N4BP1: variants seen among roughly 807,000 people sequenced by gnomAD.
The protein encoded by N4BP1 is NEDD4 binding protein 1, also known as NEDD4-binding protein 1.
N4BP1 carries 21 observed loss-of-function variants against 70.9 expected under a neutral mutation model. The ratio of observed to expected loss-of-function variants is 0.30; its 90% CI spans 0.21 to 0.43. The LOEUF is 0.43. Among genes scored for constraint, N4BP1 ranks in the 20% least tolerant of loss-of-function variants. The pLI is 1.00. For missense variants in N4BP1, 936 were observed against 1,069.4 expected, an observed-to-expected ratio of 0.88 and a Z score of 1.74; for synonymous variants, 387 against 394.6, an observed-to-expected ratio of 0.98 and a Z score of 0.23.
chr16:48,592,621 G>GA (rs1476365619), intron 1 of N4BP1, among the ~76,000 whole-genome samples: 3 of 152,146 alleles, frequency 2.0e-5, no homozygotes, highest in African/African-American at 7.2e-5. Flanking sequence ...TATTTTGTCA[G>GA]AAAAACTAAA....
At chr16:48,587,272 C>G (rs540787752) in intron 1 of N4BP1, 1 of 152,290 alleles carries the variant, frequency 6.6e-6, no homozygotes, top group African/African-American at 2.4e-5. Flanking sequence ...AGCGACATCC[C>G]TTAAGCAACA....
intron 3 of N4BP1, among the ~76,000 whole-genome samples, chr16:48,552,987 T>C (rs1259599540): frequency 6.6e-6 from 1 of 152,142 alleles, no homozygotes; most frequent in African/African-American, 2.4e-5. Flanking sequence ...CTCTGATGTG[T>C]TAAGTTGCCT....
intron 1 of N4BP1, among the ~76,000 whole-genome samples, chr16:48,605,148 T>TCA (rs1964559412): frequency 1.3e-5 from 2 of 152,038 alleles, no homozygotes; most frequent in Non-Finnish European, 2.9e-5. Context: ...TTCTCCTGCC[T>TCA]CAGCCTCCTG....
At chr16:48,560,712 A>G in intron 2 of N4BP1, 42 bp downstream of exon 2, 1 of 1,550,698 alleles carries the variant, frequency 6.4e-7, no homozygotes, top group Non-Finnish European at 8.7e-7. Context: ...CACCATTTAG[A>G]GCCCTATTTA....
chr16:48,591,387 A>G (rs756878642), intron 1 of N4BP1, among the ~76,000 whole-genome samples: 6 of 152,114 alleles, frequency 3.9e-5, no homozygotes, highest in Non-Finnish European at 8.8e-5. Flanking sequence ...TCTTGTAAAA[A>G]GAAGCTGCTT....
intron 1 of N4BP1, among the ~76,000 whole-genome samples, chr16:48,568,952 G>A (rs894667504): frequency 6.6e-6 from 1 of 152,190 alleles, no homozygotes; most frequent in Non-Finnish European, 1.5e-5. Flanking sequence ...AATGTCTTCA[G>A]CAGTTATTTC....
chr16:48,586,846 T>C (rs1964252925), intron 1 of N4BP1, among the ~76,000 whole-genome samples: 1 of 152,356 alleles, frequency 6.6e-6, no homozygotes, highest in East Asian at 1.9e-4. Context: ...CTGGATACTT[T>C]TGTACAGATA....
At chr16:48,547,417 A>C (rs1597090188) in intron 5 of N4BP1, among the ~76,000 whole-genome samples, 1 of 152,268 alleles carries the variant, frequency 6.6e-6, no homozygotes, top group East Asian at 1.9e-4. Flanking sequence ...TAGTATTATT[A>C]CAAATGAAAA....
chr16:48,589,258 T>C (rs1382907759), intron 1 of N4BP1, among the ~76,000 whole-genome samples: 3 of 152,168 alleles, frequency 2.0e-5, no homozygotes, highest in African/African-American at 4.8e-5. Flanking sequence ...CTGGCATCCA[T>C]AGGTAGTAGC....
rs375706424 is a variant in N4BP1 at position 48,561,880 on chromosome 16, G to A, written c.763C>T (p.Leu255Phe). 32 of 1,613,806 alleles carry A rather than the reference G, an allele frequency of 2.0e-5. No individual in the cohort carries two copies. In the African/African-American group the frequency reaches 4.0e-4, roughly 20 times the overall value. Reference sequence around the variant, plus strand: ...AAAAGCACATCTGGTGAGCTAGAAAGGACTGTGTCCATTTGTTTTGTAAGC... The same window carrying A: ...AAAAGCACATCTGGTGAGCTAGAAAAGACTGTGTCCATTTGTTTTGTAAGC... ...SELTKQMDTV[L>F]SSSPDVLFDP... Residue 255 changes from leucine to phenylalanine, a missense_variant, in exon 2 of 7, where the codon CTT (leucine) becomes TTT (phenylalanine). Leu to Phe is a conservative substitution (Grantham distance 22). This residue lies in a region of N4BP1 where 515 missense variants were observed against 491.7 expected (regional missense o/e 1.05). Transcript: ENST00000262384.
rs754926247 is a variant in N4BP1, at chr16:48,548,107, G to A, written c.2125C>T (p.Leu709=). ...RIASHDDRFL[L]HLADKTGGII... ...CCACCAGTTTTGTCCGCTAAGTGTA[G>A]TAGAAACCTATGGTAATATAAGAGA... The change falls in exon 5 of 7, where the codon CTA becomes TTA. Residue 709 remains leucine, a synonymous_variant. Coordinates refer to ENST00000262384, the MANE Select transcript of N4BP1 (RefSeq NM_153029.4). The A allele has an allele frequency of 6.2e-7, 1 of 1,601,172 alleles. No homozygotes were observed. The highest frequency in any genetic ancestry group is 2.2e-5 in the East Asian group (1 of 44,814).
intron 1 of N4BP1, among the ~76,000 whole-genome samples, chr16:48,608,088 C>T (rs986436176): frequency 1.5e-4 from 23 of 152,304 alleles, no homozygotes; most frequent in African/African-American, 4.6e-4. Context: ...GAGTGAGACC[C>T]TGTCTCAAAC....
chr16:48,557,934 A>G (rs2151088267), intron 2 of N4BP1, among the ~76,000 whole-genome samples: 1 of 152,296 alleles, frequency 6.6e-6, no homozygotes, highest in South Asian at 2.1e-4. Context: ...ACATTGAAGC[A>G]ACTGATTTAA....
intron 1 of N4BP1, among the ~76,000 whole-genome samples, chr16:48,609,473 A>T (rs905163283): frequency 2.6e-5 from 4 of 152,170 alleles, no homozygotes; most frequent in Non-Finnish European, 5.9e-5. Flanking sequence ...AGCGCACCCG[A>T]TCCGTGCCAC....
At chr16:48,547,429 C>A (rs1228957346) in intron 5 of N4BP1, among the ~76,000 whole-genome samples, 1 of 152,182 alleles carries the variant, frequency 6.6e-6, no homozygotes, top group Non-Finnish European at 1.5e-5. Context: ...AAATGAAAAA[C>A]AGCAGTGAAT....
chr16:48,546,370 C>G (rs1963592577), intron 5 of N4BP1, 116 bp from the exon 6 acceptor site: 1 of 586,066 alleles, frequency 1.7e-6, no homozygotes, highest in South Asian at 2.9e-5. Context: ...GCCTACAAAT[C>G]CTAAGACTGC....
At chr16:48,595,012 T>C (rs1379498754) in intron 1 of N4BP1, among the ~76,000 whole-genome samples, 2 of 152,100 alleles carry the variant, frequency 1.3e-5, no homozygotes, top group Non-Finnish European at 2.9e-5. Flanking sequence ...ACACTGGAGA[T>C]TGTGGCATTA....
chr16:48,604,107 C>G (rs1315963112), intron 1 of N4BP1, among the ~76,000 whole-genome samples: 2 of 152,350 alleles, frequency 1.3e-5, no homozygotes, highest in Non-Finnish European at 2.9e-5. Flanking sequence ...CATCCCAGTC[C>G]TTTTAAGTTC....
chr16:48,563,551 A>G (rs1161476673), intron 1 of N4BP1, among the ~76,000 whole-genome samples: 2 of 151,970 alleles, frequency 1.3e-5, no homozygotes, highest in African/African-American at 4.8e-5. Context: ...ACACCTGGCT[A>G]ATTTTGTACG....
Sources: allele counts gnomAD v4.1 joint callset (sites outside exome capture counted in the v4.1 genomes callset), GRCh38; gene constraint gnomAD v4.1.1; regional missense constraint gnomAD v4.1.1; transcripts MANE v1.5; gene names NCBI Gene and HGNC (gene_info 2026-07-23, HGNC 2026-07-21).